Variants in ADAMTS6 observed in about 807,000 individuals in gnomAD.
ADAMTS6 encodes A disintegrin and metalloproteinase with thrombospondin motifs 6.
In ADAMTS6, 23 loss-of-function variants were observed where a neutral mutation model predicts 144.3. The observed-to-expected ratio is 0.16, with a 90% confidence interval of 0.11 to 0.23. The LOEUF is 0.23. Among genes scored for constraint, ADAMTS6 ranks in the 10% least tolerant of loss-of-function variants. The pLI, the probability that ADAMTS6 is intolerant of heterozygous loss-of-function variation, is 1.00. For synonymous variants in ADAMTS6, 444 were observed against 457.5 expected, an observed-to-expected ratio of 0.97 and a Z score of 0.38; for missense variants, 999 against 1,379.6, an observed-to-expected ratio of 0.72 and a Z score of 4.37.
At chr5:65,329,561 G>C (rs1746510707) in intron 8 of ADAMTS6, 78 bp from the exon 9 acceptor site, 6 of 1,273,240 alleles carry the variant, frequency 4.7e-6, no homozygotes, top group Non-Finnish European at 6.5e-6. Context: ...TAAATGCCTG[G>C]ATTCTTTTTA....
rs549050557 is a variant in ADAMTS6, at chr5:65,232,003, C to T, written c.1934-5784G>A. Among the ~76,000 whole-genome samples the T allele has an allele frequency of 1.6e-4, 25 of 152,006 alleles. No individual in the cohort carries two copies. In the East Asian group the frequency reaches 4.6e-3, roughly 28 times the overall value. On this transcript the variant is annotated intron_variant, in intron 15 of 24. Transcript: ENST00000381055. ...GTACATGTCTGTAATCCCAGCTACT[C>T]GGGAGGCTGAGGCAGGAGAATCACT...
chr5:65,253,759 C>A (rs1760394433), intron 14 of ADAMTS6, among the ~76,000 whole-genome samples: 1 of 146,436 alleles, frequency 6.8e-6, no homozygotes, highest in Non-Finnish European at 1.5e-5. Flanking sequence ...CCAATAGTAA[C>A]ACCTATTCTT....
intron 7 of ADAMTS6, among the ~76,000 whole-genome samples, chr5:65,343,441 G>A (rs1301253351): frequency 6.6e-6 from 1 of 151,986 alleles, no homozygotes; most frequent in East Asian, 1.9e-4. Context: ...CACTCATTGG[G>A]CAAAGGACAG....
chr5:65,276,904 C>A (rs551646725), intron 11 of ADAMTS6, among the ~76,000 whole-genome samples: 1 of 152,298 alleles, frequency 6.6e-6, no homozygotes, highest in East Asian at 1.9e-4. Flanking sequence ...CTTTCACATA[C>A]TCATGAATCC....
chr5:65,178,813 G>T (rs1812553), intron 22 of ADAMTS6, among the ~76,000 whole-genome samples: 60,925 of 152,010 alleles, frequency 0.4, 12,532 homozygotes, highest in Admixed American at 0.49. Context: ...AAGTACCAAA[G>T]CTTGCTATAT....
intron 9 of ADAMTS6, among the ~76,000 whole-genome samples, chr5:65,309,792 C>T (rs1043502585): frequency 3.9e-5 from 6 of 151,956 alleles, no homozygotes; most frequent in African/African-American, 1.5e-4. Context: ...ATTCTTGGAA[C>T]CCTGAAAAAA....
chr5:65,263,230 T>G (rs997990219), intron 12 of ADAMTS6, among the ~76,000 whole-genome samples: 1 of 152,178 alleles, frequency 6.6e-6, no homozygotes, highest in African/African-American at 2.4e-5. Flanking sequence ...CTTGTTTCTA[T>G]TCCTCTTGAC....
intron 22 of ADAMTS6, among the ~76,000 whole-genome samples, chr5:65,184,365 A>G (rs986758605): frequency 6.6e-6 from 1 of 152,174 alleles, no homozygotes; most frequent in Admixed American, 6.6e-5. Flanking sequence ...CCAGAGTAGA[A>G]CCTAGGAGTA....
chr5:65,480,619 A>T (rs971918588), intron 1 of ADAMTS6, among the ~76,000 whole-genome samples: 5 of 152,170 alleles, frequency 3.3e-5, no homozygotes, highest in African/African-American at 1.2e-4. Context: ...ATTGTAGCAC[A>T]TATTATCAGA....
intron 12 of ADAMTS6, among the ~76,000 whole-genome samples, chr5:65,269,505 C>A (rs10057760): frequency 0.29 from 44,465 of 151,928 alleles, 6,741 homozygotes; most frequent in Admixed American, 0.37. Context: ...ATTCCCGTGA[C>A]AATGAAAAAT....
intron 18 of ADAMTS6, among the ~76,000 whole-genome samples, chr5:65,220,073 T>G (rs773379349): frequency 2.3e-4 from 35 of 152,140 alleles, no homozygotes; most frequent in Admixed American, 3.9e-4. Context: ...TAGCAGAATA[T>G]GCATTCTTCT....
At chr5:65,281,401 T>C (rs1300715052) in intron 11 of ADAMTS6, among the ~76,000 whole-genome samples, 1 of 152,158 alleles carries the variant, frequency 6.6e-6, no homozygotes, top group Non-Finnish European at 1.5e-5. Context: ...TAACGGACAA[T>C]ATCTCCAAAT....
intron 11 of ADAMTS6, among the ~76,000 whole-genome samples, chr5:65,284,003 T>C (rs916724722): frequency 6.6e-6 from 1 of 152,092 alleles, no homozygotes; most frequent in Non-Finnish European, 1.5e-5. Flanking sequence ...TACTTCTCAG[T>C]ATTTCCCTGC....
chr5:65,409,048 G>A (rs193074641), intron 7 of ADAMTS6, among the ~76,000 whole-genome samples: 21 of 152,258 alleles, frequency 1.4e-4, no homozygotes, highest in African/African-American at 5.1e-4. Context: ...GAGAAAGCAG[G>A]AAAGATCTAA....
chr5:65,436,682 T>A (rs1035452929), intron 7 of ADAMTS6, among the ~76,000 whole-genome samples: 22 of 141,748 alleles, frequency 1.6e-4, no homozygotes, highest in East Asian at 8.0e-4. Flanking sequence ...TAAAAATATT[T>A]AAAAAAAACC....
At chr5:65,376,567 C>T (rs1238390129) in intron 7 of ADAMTS6, among the ~76,000 whole-genome samples, 1 of 152,196 alleles carries the variant, frequency 6.6e-6, no homozygotes, top group African/African-American at 2.4e-5. Context: ...CATGGTGGCT[C>T]ATGCCTGTAA....
At chr5:65,300,756 C>T (rs777281484) in intron 9 of ADAMTS6, among the ~76,000 whole-genome samples, 3 of 151,974 alleles carry the variant, frequency 2.0e-5, no homozygotes, top group South Asian at 2.1e-4. Flanking sequence ...CTCATCCTCC[C>T]GAGTAGCTGG....
At chr5:65,351,667 A>G (rs548698147) in intron 7 of ADAMTS6, among the ~76,000 whole-genome samples, 6 of 152,306 alleles carry the variant, frequency 3.9e-5, no homozygotes, top group Non-Finnish European at 7.4e-5. Context: ...CTGTAGTCCT[A>G]GCAACTCAGG....
intron 11 of ADAMTS6, among the ~76,000 whole-genome samples, chr5:65,278,395 A>AG (rs1304770192): frequency 6.6e-6 from 1 of 152,212 alleles, no homozygotes; most frequent in Non-Finnish European, 1.5e-5. Context: ...TAACTCTTTA[A>AG]GGAATCTCCT....
Sources: gnomAD v4.1 joint callset for allele counts (sites outside exome capture counted in the v4.1 genomes callset) on GRCh38, gnomAD v4.1.1 for gene constraint, MANE v1.5 for transcripts, NCBI Gene and HGNC (gene_info 2026-07-23, HGNC 2026-07-21) for gene names.